The following TMEM132C variants were observed in gnomAD, a reference collection of about 807,000 sequenced individuals.
The protein encoded by TMEM132C is protein phosphatase 1, regulatory subunit 152.
Under a neutral mutation model 61.4 loss-of-function variants are expected in TMEM132C, and 29 were observed. The ratio of observed to expected loss-of-function variants is 0.47; its 90% CI spans 0.35 to 0.64. TMEM132C has a LOEUF of 0.64. TMEM132C is among the 30% of genes least tolerant of loss of function. The pLI is 0.00. For missense variants in TMEM132C, 1,408 were observed against 1,476.9 expected (o/e 0.95, Z 0.76); for synonymous variants, 656 against 633.1 (o/e 1.04, Z -0.54).
chr12:128,280,031 A>G (rs751978577), intron 1 of TMEM132C, among the ~76,000 whole-genome samples: 13 of 152,170 alleles, frequency 8.5e-5, no homozygotes, highest in Non-Finnish European at 1.8e-4. Context: ...TCGGCTTCTC[A>G]TATTATCTGT....
At chr12:128,541,021 T>TTCTCTGTCTC (rs1555230911) in intron 2 of TMEM132C, among the ~76,000 whole-genome samples, 3 of 71,328 alleles carry the variant, frequency 4.2e-5, no homozygotes, top group Non-Finnish European at 1.4e-4. Flanking sequence ...CTTTCTCTCT[T>TTCTCTGTCTC]TCTCTGTCTC....
intron 3 of TMEM132C, among the ~76,000 whole-genome samples, chr12:128,561,201 G>GCACT (rs759796060): frequency 2.0e-5 from 3 of 152,190 alleles, no homozygotes; most frequent in African/African-American, 4.8e-5. Flanking sequence ...GTTGTACTAG[G>GCACT]CACTGCTGGA....
intron 2 of TMEM132C, among the ~76,000 whole-genome samples, chr12:128,445,289 T>C (rs1038113687): frequency 1.3e-5 from 2 of 152,160 alleles, no homozygotes; most frequent in African/African-American, 2.4e-5. Flanking sequence ...TTGAACTGAA[T>C]TGAACAAAGC....
intron 2 of TMEM132C, among the ~76,000 whole-genome samples, chr12:128,532,009 A>C (rs1183337848): frequency 1.3e-5 from 2 of 152,242 alleles, no homozygotes; most frequent in Non-Finnish European, 2.9e-5. Flanking sequence ...TTCTATGCAG[A>C]GCCCTGCTAA....
intron 4 of TMEM132C, among the ~76,000 whole-genome samples, chr12:128,616,850 A>G (rs983191348): frequency 1.3e-5 from 2 of 152,192 alleles, no homozygotes; most frequent in African/African-American, 4.8e-5. Context: ...AGCACCATCT[A>G]TCTGACTCAC....
chr12:128,386,282 C>T (rs956104798), intron 1 of TMEM132C, among the ~76,000 whole-genome samples: 3 of 152,164 alleles, frequency 2.0e-5, no homozygotes, highest in Non-Finnish European at 4.4e-5. Flanking sequence ...AAAGTGGCAC[C>T]GTTTCTCTCT....
At chr12:128,512,633 G>A (rs1465395421) in intron 2 of TMEM132C, among the ~76,000 whole-genome samples, 3 of 152,164 alleles carry the variant, frequency 2.0e-5, no homozygotes, top group African/African-American at 4.8e-5. Flanking sequence ...TTAGCTGTGG[G>A]GTAAATTCTG....
chr12:128,341,150 G>A lies in TMEM132C; in HGVS notation c.86-73582G>A, dbSNP rs573246420. Among the ~76,000 whole-genome samples the A allele has an allele frequency of 2.1e-4, 32 of 151,880 alleles. 1 individual carries two copies. The South Asian group carries it at 6.0e-3, about 29-fold the overall frequency. On this transcript the variant is annotated intron_variant, in intron 1 of 8. Transcript: ENST00000435159. ...GAGACGGGGTTTCACCATCTTGGCCGGGCTGGTCTCGAACTCCTGACCTCT... is the reference window on the plus strand; with the variant it reads ...GAGACGGGGTTTCACCATCTTGGCCAGGCTGGTCTCGAACTCCTGACCTCT...
chr12:128,623,859 CAG>C (rs919852359), intron 4 of TMEM132C, among the ~76,000 whole-genome samples: 3 of 151,622 alleles, frequency 2.0e-5, no homozygotes, highest in South Asian at 2.1e-4. Flanking sequence ...AAAATGAAAA[CAG>C]AGAATATTTA....
intron 1 of TMEM132C, among the ~76,000 whole-genome samples, chr12:128,385,162 C>T (rs1320091103): frequency 6.6e-6 from 1 of 152,096 alleles, no homozygotes; most frequent in Non-Finnish European, 1.5e-5. Context: ...TCTCAGCCTC[C>T]CTCTTCCCAT....
chr12:128,586,060 C>A (rs1875536210), intron 3 of TMEM132C, among the ~76,000 whole-genome samples: 1 of 151,944 alleles, frequency 6.6e-6, no homozygotes, highest in Non-Finnish European at 1.5e-5. Flanking sequence ...GTTATGTGCA[C>A]CTTACCACAA....
chr12:128,653,992 C>T (rs1954299518), intron 4 of TMEM132C, among the ~76,000 whole-genome samples: 1 of 152,184 alleles, frequency 6.6e-6, no homozygotes, highest in Non-Finnish European at 1.5e-5. Flanking sequence ...TTGACACCAG[C>T]CCTTTCTACT....
chr12:128,294,971 C>T (rs2135912530), intron 1 of TMEM132C, among the ~76,000 whole-genome samples: 1 of 101,484 alleles, frequency 9.9e-6, no homozygotes, highest in African/African-American at 4.0e-5. Context: ...TGGTGTGAGC[C>T]CTAAATAAAT....
At position 128,377,034 on chromosome 12, in the gene TMEM132C, C is replaced by T. The variant is rs115856157; in HGVS notation, c.86-37698C>T. ...TCACTGAACTAAGAGATTTTTATGT[C>T]ATCCTTTACCATGTGCTTTCTTGAT... On this transcript the variant is annotated intron_variant, in intron 1 of 8. Transcript: ENST00000435159. Among the ~76,000 whole-genome samples the T allele has an allele frequency of 5.3e-3, 798 of 151,980 alleles. 7 individuals are homozygous for T. Among genetic ancestry groups the T allele is most frequent in the African/African-American group, 0.018 (751 of 41,454 alleles).
At chr12:128,497,003 G>A (rs1309778435) in intron 2 of TMEM132C, among the ~76,000 whole-genome samples, 1 of 152,212 alleles carries the variant, frequency 6.6e-6, no homozygotes, top group African/African-American at 2.4e-5. Flanking sequence ...CATACAGATG[G>A]GGTTTTGGCG....
intron 5 of TMEM132C, among the ~76,000 whole-genome samples, chr12:128,683,355 C>G (rs928796580): frequency 6.6e-6 from 1 of 152,152 alleles, no homozygotes; most frequent in East Asian, 1.9e-4. Flanking sequence ...TGTGACACTG[C>G]TCTCTCCCGG....
At chr12:128,575,772 C>T (rs750493848) in intron 3 of TMEM132C, among the ~76,000 whole-genome samples, 8 of 152,318 alleles carry the variant, frequency 5.3e-5, no homozygotes, top group South Asian at 2.1e-4. Context: ...TCAAGGACGA[C>T]GCACTATACA....
chr12:128,654,653 T>G (rs962543010), intron 4 of TMEM132C, among the ~76,000 whole-genome samples: 12 of 152,272 alleles, frequency 7.9e-5, no homozygotes, highest in African/African-American at 2.9e-4. Context: ...CCGAGCTAAC[T>G]AGGAAGCTCT....
In TMEM132C at chr12:128,295,653, A is replaced by G. The variant is rs983869896; in HGVS notation, c.85+28166A>G. The stretch of plus-strand genomic sequence containing the variant: ...TTAAGTCCTTCAAAAAAAAAAAAAA[A>G]AAGAAAGAAAAAAGGGTGGGGTACA... On this transcript the variant is annotated intron_variant, in intron 1 of 8. Coordinates refer to ENST00000435159, the MANE Select transcript of TMEM132C (RefSeq NM_001136103.3). Among the ~76,000 whole-genome samples, 20 of 85,686 alleles carry G rather than the reference A, an allele frequency of 2.3e-4. No homozygotes were observed. The East Asian group carries it at 0.015, about 65-fold the overall frequency. 56.2% of individuals were successfully genotyped at this position (85,686 alleles called of 152,430 possible).
Sources: gnomAD v4.1 joint callset for allele counts (sites outside exome capture counted in the v4.1 genomes callset) on GRCh38, gnomAD v4.1.1 for gene constraint, MANE v1.5 for transcripts, NCBI Gene and HGNC (gene_info 2026-07-23, HGNC 2026-07-21) for gene names.